Variants in MYO1B observed in about 807,000 individuals in gnomAD.
MYO1B encodes unconventional myosin-Ib.
MYO1B carries 72 observed loss-of-function variants against 159.7 expected under a neutral mutation model. That is an observed-to-expected ratio of 0.45 (90% CI 0.37 to 0.55). MYO1B has a LOEUF of 0.55. Ranked by LOEUF, MYO1B falls within the 20% of genes least tolerant of loss-of-function variation. MYO1B has a pLI of 0.00. For missense variants in MYO1B, 1,062 were observed against 1,364.8 expected, an observed-to-expected ratio of 0.78 and a Z score of 3.50; for synonymous variants, 468 against 473.8, an observed-to-expected ratio of 0.99 and a Z score of 0.16.
At chr2:191,286,791 G>A (rs1425665209) in intron 2 of MYO1B, among the ~76,000 whole-genome samples, 1 of 152,044 alleles carries the variant, frequency 6.6e-6, no homozygotes, top group East Asian at 1.9e-4. Context: ...AACTTAGCCA[G>A]GATTGGTGGC....
intron 30 of MYO1B, among the ~76,000 whole-genome samples, chr2:191,422,381 G>C (rs1697992650): frequency 6.6e-6 from 1 of 152,146 alleles, no homozygotes; most frequent in African/African-American, 2.4e-5. Flanking sequence ...GTTCCTCGCA[G>C]CACCAGCACA....
rs1159016855 is a variant in MYO1B, at chr2:191,418,482, A to ATTTTTTTTT, written c.3287+2256_3287+2264dup. ...CAAAGTCCTGTTTACTCTTTAGTGG[A>ATTTTTTTTT]TTTTTTTTTTTTTTTTTTTTTTTTG... On this transcript the variant is annotated intron_variant, in intron 30 of 30. Coordinates refer to ENST00000392318, the MANE Select transcript of MYO1B (RefSeq NM_001130158.3). Among the ~76,000 whole-genome samples, 64 of 81,064 alleles carry ATTTTTTTTT rather than the reference A, an allele frequency of 7.9e-4. 4 individuals are homozygous for ATTTTTTTTT. Among genetic ancestry groups the ATTTTTTTTT allele is most frequent in the East Asian group, 3.1e-3 (7 of 2,226 alleles). The allele number at this position is 81,064 out of a possible 152,430, so 53.2% of individuals were successfully genotyped here. A position where few individuals can be genotyped will look rare whatever the true frequency, so the allele number is the denominator to read the frequency against.
chr2:191,415,569 G>A (rs927686979), intron 29 of MYO1B, among the ~76,000 whole-genome samples: 5 of 151,722 alleles, frequency 3.3e-5, no homozygotes, highest in East Asian at 1.9e-4. Context: ...CTCAGAGGGG[G>A]CACAAGCATC....
At chr2:191,339,438 A>G (rs555461944) in intron 4 of MYO1B, among the ~76,000 whole-genome samples, 1 of 152,380 alleles carries the variant, frequency 6.6e-6, no homozygotes, top group African/African-American at 2.4e-5. Context: ...AACCATGAGA[A>G]TAATGGAAAA....
chr2:191,317,018 C>G lies in MYO1B; in HGVS notation c.252-12917C>G, dbSNP rs111724710. Among the ~76,000 whole-genome samples the G allele has an allele frequency of 5.1e-3, 782 of 152,252 alleles. 4 individuals are homozygous for G. The highest frequency in any genetic ancestry group is 0.018 in the African/African-American group (738 of 41,536). On this transcript the variant is annotated intron_variant, in intron 3 of 30. Transcript: ENST00000392318. ...TTGTTCTCAACATAAATTCGGAACA[C>G]TGAAAGTAATCCTTCTTTGGAGGAG...
At position 191,414,033 on chromosome 2, in the gene MYO1B, AT is replaced by A; in HGVS notation, c.2874-8del. On this transcript the variant is annotated splice_polypyrimidine_tract_variant and intron_variant, in intron 27 of 30. Coordinates refer to ENST00000392318, the MANE Select transcript of MYO1B (RefSeq NM_001130158.3). ...TTGAAACTATTTCTAATGTGCAGGAATTTTTTTCCTTTAGTGTTGGGCAACC... is the reference window on the plus strand; with the variant it reads ...TTGAAACTATTTCTAATGTGCAGGAATTTTTTCCTTTAGTGTTGGGCAACC... 4 of 1,583,598 alleles carry A rather than the reference AT, an allele frequency of 2.5e-6. No individual in the cohort carries two copies. The highest frequency in any genetic ancestry group is 2.6e-6 in the Non-Finnish European group (3 of 1,168,280).
intron 7 of MYO1B, among the ~76,000 whole-genome samples, chr2:191,351,235 A>G (rs1559191851): frequency 6.6e-6 from 1 of 151,876 alleles, no homozygotes; most frequent in Non-Finnish European, 1.5e-5. Flanking sequence ...AAGTGTGCTC[A>G]TTTATTTTTC....
chr2:191,357,021 C>T lies in MYO1B; in HGVS notation c.563-3610C>T, dbSNP rs903898259. On this transcript the variant is annotated intron_variant, in intron 7 of 30. Transcript: ENST00000392318. ...CCTCACAAGACAAAGCTGATTTTTTCGTAATTAGCCTTAATCAAGAATTTG... is the reference window on the plus strand; with the variant it reads ...CCTCACAAGACAAAGCTGATTTTTTTGTAATTAGCCTTAATCAAGAATTTG... Among the ~76,000 whole-genome samples the T allele has an allele frequency of 6.6e-5, 10 of 152,094 alleles. No homozygotes were observed. In the East Asian group the frequency reaches 1.3e-3, roughly 21 times the overall value.
intron 9 of MYO1B, among the ~76,000 whole-genome samples, chr2:191,362,945 T>C (rs1693767128): frequency 6.6e-6 from 1 of 152,160 alleles, no homozygotes; most frequent in Non-Finnish European, 1.5e-5. Flanking sequence ...GAATTATAGA[T>C]AAAACAAAAT....
intron 2 of MYO1B, among the ~76,000 whole-genome samples, chr2:191,285,846 GACCCATAGTCACCCTCAGGTCCCA>G (rs1688332489): frequency 6.6e-6 from 1 of 152,132 alleles, no homozygotes; most frequent in African/African-American, 2.4e-5. Flanking sequence ...AGCCGTCCTG[GACCCATAGTCACCCTCAGGTCCCA>G]GATTTGTTAT....
intron 30 of MYO1B, among the ~76,000 whole-genome samples, chr2:191,421,250 A>G (rs577463657): frequency 6.6e-6 from 1 of 151,838 alleles, no homozygotes; most frequent in African/African-American, 2.4e-5. Context: ...TTGTATTTTT[A>G]GTAAAGACGA....
chr2:191,386,782 T>G (rs2126088107), intron 16 of MYO1B, among the ~76,000 whole-genome samples: 1 of 152,332 alleles, frequency 6.6e-6, no homozygotes, highest in South Asian at 2.1e-4. Context: ...TTAGCGTATA[T>G]TATTAAAAGA....
chr2:191,335,027 C>T (rs576527756), intron 4 of MYO1B, among the ~76,000 whole-genome samples: 18 of 152,200 alleles, frequency 1.2e-4, no homozygotes, highest in African/African-American at 4.1e-4. Flanking sequence ...GTAACACTGC[C>T]TAGAAGTCAC....
At chr2:191,365,899 T>C (rs983012870) in intron 11 of MYO1B, among the ~76,000 whole-genome samples, 2 of 152,208 alleles carry the variant, frequency 1.3e-5, no homozygotes, top group African/African-American at 2.4e-5. Flanking sequence ...CAGTAGTTCT[T>C]AAACTTGAAC....
chr2:191,287,553 C>G (rs1224910715), intron 2 of MYO1B, among the ~76,000 whole-genome samples: 1 of 151,304 alleles, frequency 6.6e-6, no homozygotes. Flanking sequence ...GGTGAGGAAA[C>G]TGGGATGTGG....
Position 191,400,492 on chromosome 2 carries a change from G to T in MYO1B, c.2382+24G>T, listed in dbSNP as rs778348964. ...AGGTAGGCCCGAGACCCCAAGGAAG[G>T]CGGTGGGTCAGCAGTAACGTCATGT... On this transcript the variant is annotated intron_variant, in intron 22 of 30. Transcript: ENST00000392318. The T allele has an allele frequency of 6.8e-6, 11 of 1,612,794 alleles. No homozygotes were observed. The South Asian group carries it at 8.8e-5, about 13-fold the overall frequency.
chr2:191,246,212 C>G (rs1685782951), intron 1 of MYO1B: 1 of 152,292 alleles, frequency 6.6e-6, no homozygotes, highest in African/African-American at 2.4e-5. Flanking sequence ...CGTTTCCTGC[C>G]CGGGATGGGA....
chr2:191,289,487 A>G lies in MYO1B; in HGVS notation c.136-6624A>G, dbSNP rs184548310. ...GTTTAGTAGAAAGGTGTGTATGTGTATATTCTATGCCAGCTGTTCAATAGG... is the reference window on the plus strand; with the variant it reads ...GTTTAGTAGAAAGGTGTGTATGTGTGTATTCTATGCCAGCTGTTCAATAGG... On this transcript the variant is annotated intron_variant, in intron 2 of 30. Transcript: ENST00000392318. Among the ~76,000 whole-genome samples the G allele has an allele frequency of 2.6e-5, 4 of 152,300 alleles. No individual in the cohort carries two copies. In the East Asian group the frequency reaches 7.7e-4, roughly 29 times the overall value.
chr2:191,410,807 T>C (rs1697207756), intron 26 of MYO1B, among the ~76,000 whole-genome samples: 1 of 152,156 alleles, frequency 6.6e-6, no homozygotes, highest in African/African-American at 2.4e-5. Flanking sequence ...GAAATAGTAC[T>C]TGCAAGGCCC....
Sources: allele counts gnomAD v4.1 joint callset (sites outside exome capture counted in the v4.1 genomes callset), GRCh38; gene constraint gnomAD v4.1.1; transcripts MANE v1.5; gene names NCBI Gene and HGNC (gene_info 2026-07-23, HGNC 2026-07-21).